Variants in GALK2 observed in about 807,000 individuals in gnomAD.
GALK2 encodes the protein galactokinase 2, also known as N-acetylgalactosamine kinase.
Under a neutral mutation model 52.4 loss-of-function variants are expected in GALK2, and 36 were observed. The ratio of observed to expected loss-of-function variants is 0.69; its 90% CI spans 0.53 to 0.91. The LOEUF is 0.91. Among genes scored for constraint, GALK2 ranks in the 40% least tolerant of loss-of-function variants. The pLI is 0.00. For missense variants in GALK2, 579 were observed against 559.1 expected (o/e 1.04, Z -0.36); for synonymous variants, 176 against 199.1 (o/e 0.88, Z 0.98).
chr15:49,292,276 C>A (rs1174067599), intron 7 of GALK2, 51 bp from the exon 8 acceptor site: 5 of 1,497,254 alleles, frequency 3.3e-6, no homozygotes, highest in Non-Finnish European at 4.6e-6. Context: ...TAAAATAGTA[C>A]ACATCAAATT....
chr15:49,205,800 C>T (rs367729350), intron 2 of GALK2, among the ~76,000 whole-genome samples: 16 of 152,064 alleles, frequency 1.1e-4, no homozygotes, highest in African/African-American at 3.9e-4. Context: ...TCATGAAATC[C>T]TTGCCTAAGC....
intron 3 of GALK2, among the ~76,000 whole-genome samples, chr15:49,346,051 A>AT (rs35105464): frequency 0.4 from 58,380 of 145,386 alleles, 11,463 homozygotes; most frequent in African/African-American, 0.43. Context: ...TGCTTTTGTT[A>AT]TTTTTTTTTT....
chr15:49,228,339 T>G (rs2090255641), intron 3 of GALK2, among the ~76,000 whole-genome samples: 1 of 152,052 alleles, frequency 6.6e-6, no homozygotes, highest in Non-Finnish European at 1.5e-5. Flanking sequence ...TCTGCTTTCT[T>G]GAACACCAAA....
At chr15:49,171,841 C>T (rs190148735) in intron 1 of GALK2, among the ~76,000 whole-genome samples, 1 of 151,464 alleles carries the variant, frequency 6.6e-6, no homozygotes, top group Non-Finnish European at 1.5e-5. Context: ...GCGCAGTCTC[C>T]GCTCACTGCA....
intron 1 of GALK2, among the ~76,000 whole-genome samples, chr15:49,158,612 C>T (rs1162289966): frequency 1.3e-5 from 2 of 152,036 alleles, no homozygotes; most frequent in Non-Finnish European, 2.9e-5. Flanking sequence ...TAAAAGATTT[C>T]TTCCCATACC....
At chr15:49,185,065 C>G (rs1224506663) in intron 1 of GALK2, among the ~76,000 whole-genome samples, 1 of 152,042 alleles carries the variant, frequency 6.6e-6, no homozygotes, top group Non-Finnish European at 1.5e-5. Flanking sequence ...GGTTTGGGGC[C>G]TGTATCCTGT....
chr15:49,365,218 G>C (rs776944655), intron 3 of GALK2: 56 of 963,296 alleles, frequency 5.8e-5, no homozygotes, highest in Non-Finnish European at 8.5e-5. Context: ...TACCTTTCCA[G>C]AACTTTTTCA....
At chr15:49,279,529 A>T (rs775078338) in intron 5 of GALK2, among the ~76,000 whole-genome samples, 1 of 152,206 alleles carries the variant, frequency 6.6e-6, no homozygotes, top group Non-Finnish European at 1.5e-5. Context: ...CTGGTTATAT[A>T]TCTCTAAACC....
chr15:49,329,692 A>C lies in GALK2; in HGVS notation c.*1533A>C. ...GAATTTTGAGTTCTATAAATCCAAAAATCTGAAACCTGAATTTATTTAAAT... is the reference window on the plus strand; with the variant it reads ...GAATTTTGAGTTCTATAAATCCAAACATCTGAAACCTGAATTTATTTAAAT... On this transcript the variant is annotated 3_prime_UTR_variant, in exon 10 of 10. Transcript: ENST00000560031. 2.0e-6 allele frequency: 2 copies of C among 976,920 alleles called. No homozygotes were observed. Among genetic ancestry groups the C allele is most frequent in the Non-Finnish European group, 2.4e-6 (2 of 822,194 alleles). 60.5% of individuals were successfully genotyped at this position (976,920 alleles called of 1,614,324 possible).
intron 3 of GALK2, among the ~76,000 whole-genome samples, chr15:49,223,556 C>G (rs1242243343): frequency 6.6e-6 from 1 of 152,138 alleles, no homozygotes. Flanking sequence ...CCATTGCTTA[C>G]TAGTCCTCAG....
intron 8 of GALK2, among the ~76,000 whole-genome samples, chr15:49,312,002 T>G (rs572163053): frequency 6.6e-6 from 1 of 152,290 alleles, no homozygotes; most frequent in South Asian, 2.1e-4. Flanking sequence ...TAAGCCCCCT[T>G]TATTGGCTTG....
At chr15:49,171,082 CT>C (rs201895577) in intron 1 of GALK2, among the ~76,000 whole-genome samples, 5,323 of 129,912 alleles carry the variant, frequency 0.041, 200 homozygotes, top group African/African-American at 0.099. Flanking sequence ...TTTTCTTTTT[CT>C]TTTTTTTTTT....
rs771303406 is a variant in GALK2, at chr15:49,328,631, C to T, written c.*472C>T. The T allele has an allele frequency of 1.0e-5, 16 of 1,580,924 alleles. No homozygotes were observed. Among genetic ancestry groups the T allele is most frequent in the African/African-American group, 6.7e-5 (5 of 74,510 alleles). On this transcript the variant is annotated 3_prime_UTR_variant, in exon 10 of 10. Transcript: ENST00000560031. The stretch of plus-strand genomic sequence containing the variant: ...ATGATGGTGATGATGATGATGATGA[C>T]GATAGTGATGCCACACATTCTCTCT...
chr15:49,202,882 A>G (rs1041209936), intron 2 of GALK2, among the ~76,000 whole-genome samples: 4 of 151,920 alleles, frequency 2.6e-5, no homozygotes, highest in African/African-American at 9.7e-5. Context: ...TGTCTTTTTG[A>G]TAATAGTCAT....
chr15:49,322,340 AC>A (rs2151090134), intron 9 of GALK2, among the ~76,000 whole-genome samples: 1 of 152,314 alleles, frequency 6.6e-6, no homozygotes, highest in East Asian at 1.9e-4. Context: ...TTATTCGATA[AC>A]CATATAGGGT....
At chr15:49,183,227 TCTTTC>T (rs1182104673) in intron 1 of GALK2, among the ~76,000 whole-genome samples, 1 of 152,150 alleles carries the variant, frequency 6.6e-6, no homozygotes, top group Non-Finnish European at 1.5e-5. Flanking sequence ...CTTTCTCTTG[TCTTTC>T]CATGTTTAGA....
At chr15:49,315,184 C>T (rs536130750) in intron 8 of GALK2, among the ~76,000 whole-genome samples, 25 of 152,242 alleles carry the variant, frequency 1.6e-4, no homozygotes, top group African/African-American at 5.1e-4. Flanking sequence ...ACGTATATCC[C>T]GCTTTGAAGT....
chr15:49,290,633 G>A (rs2033842358), intron 7 of GALK2, among the ~76,000 whole-genome samples: 2 of 152,228 alleles, frequency 1.3e-5, no homozygotes, highest in Admixed American at 1.3e-4. Flanking sequence ...GGAGATTACT[G>A]TGGACTGAAA....
chr15:49,222,726 A>C (rs75247132), intron 3 of GALK2, among the ~76,000 whole-genome samples: 1 of 152,182 alleles, frequency 6.6e-6, no homozygotes, highest in South Asian at 2.1e-4. Context: ...CAATCCTTGC[A>C]TCCCTGGGAT....
Sources: gnomAD v4.1 joint callset for allele counts (sites outside exome capture counted in the v4.1 genomes callset) on GRCh38, gnomAD v4.1.1 for gene constraint, MANE v1.5 for transcripts, NCBI Gene and HGNC (gene_info 2026-07-23, HGNC 2026-07-21) for gene names.